ATP8A1: variants seen among roughly 807,000 people sequenced by gnomAD.
ATP8A1 encodes the protein ATPase phospholipid transporting 8A1, also known as phospholipid-transporting ATPase IA.
In ATP8A1, 90 loss-of-function variants were observed where a neutral mutation model predicts 177.7. That is an observed-to-expected ratio of 0.51 (90% CI 0.43 to 0.60). ATP8A1 has a LOEUF of 0.60. Ranked by LOEUF, ATP8A1 falls within the 20% of genes least tolerant of loss-of-function variation. ATP8A1 has a pLI of 0.00. For missense variants in ATP8A1, 1,072 were observed against 1,392.8 expected, an observed-to-expected ratio of 0.77 and a Z score of 3.67; for synonymous variants, 493 against 485.9, an observed-to-expected ratio of 1.01 and a Z score of -0.19.
chr4:42,438,483 A>AGAAGAG (rs1487935151), intron 33 of ATP8A1, among the ~76,000 whole-genome samples: 1 of 152,152 alleles, frequency 6.6e-6, no homozygotes, highest in Non-Finnish European at 1.5e-5. Context: ...ATTGCTGTTA[A>AGAAGAG]GAAGAGGCAA....
chr4:42,507,449 T>C (rs1436295220), intron 22 of ATP8A1, among the ~76,000 whole-genome samples: 1 of 152,022 alleles, frequency 6.6e-6, no homozygotes, highest in Non-Finnish European at 1.5e-5. Flanking sequence ...AAAAACAGCC[T>C]GGGCACGGTG....
intron 20 of ATP8A1, among the ~76,000 whole-genome samples, chr4:42,530,330 T>A (rs1020013908): frequency 3.3e-5 from 5 of 152,132 alleles, no homozygotes; most frequent in African/African-American, 1.2e-4. Context: ...GCCAGCCACC[T>A]GGTGGCAGAT....
At chr4:42,414,926 G>A (rs1450627617) in intron 35 of ATP8A1, 3 of 536,966 alleles carry the variant, frequency 5.6e-6, no homozygotes, top group South Asian at 4.5e-5. Context: ...TCCCTAAGGA[G>A]TTTGGTCCCC....
intron 20 of ATP8A1, among the ~76,000 whole-genome samples, chr4:42,526,788 G>T (rs1726715869): frequency 6.6e-6 from 1 of 152,102 alleles, no homozygotes; most frequent in Admixed American, 6.5e-5. Flanking sequence ...ACCAAGAGTG[G>T]CTCTAGAGGA....
chr4:42,422,662 T>A lies in ATP8A1; in HGVS notation c.3305+145A>T. 7 of 635,566 alleles carry A rather than the reference T, an allele frequency of 1.1e-5. No individual in the cohort carries two copies. The South Asian group carries it at 1.6e-4, about 14-fold the overall frequency. 39.4% of individuals were successfully genotyped at this position (635,566 alleles called of 1,614,324 possible). ...CAGTTTAGAAAGCGACAGATTTAAA[T>A]CCACATGTCTCTGACTCCCAAACCT... On this transcript the variant is annotated intron_variant, in intron 35 of 36. Transcript: ENST00000381668.
intron 33 of ATP8A1, among the ~76,000 whole-genome samples, chr4:42,433,026 T>C (rs1261091380): frequency 2.0e-5 from 3 of 152,202 alleles, no homozygotes; most frequent in Non-Finnish European, 4.4e-5. Flanking sequence ...ATACTGTATA[T>C]TCTGTAATGA....
rs1243096132 is a variant in ATP8A1, at chr4:42,410,706, G to GT, written c.*2209dup. On this transcript the variant is annotated 3_prime_UTR_variant, in exon 37 of 37. Transcript: ENST00000381668. ...CAGATCATGTTACACATTATCAACC[G>GT]TAAGTATTCTTCTCATGTTTAAGAG... The GT allele has an allele frequency of 5.9e-5, 9 of 152,114 alleles. No homozygotes were observed. Among genetic ancestry groups the GT allele is most frequent in the African/African-American group, 1.9e-4 (8 of 41,416 alleles). The allele number at this position is 152,114 out of a possible 1,614,324, so 9.4% of individuals were successfully genotyped here. A position where few individuals can be genotyped will look rare whatever the true frequency, so the allele number is the denominator to read the frequency against.
chr4:42,506,884 GA>G, intron 23 of ATP8A1, 131 bp downstream of exon 23: 1 of 1,113,912 alleles, frequency 9.0e-7, no homozygotes, highest in South Asian at 1.6e-5. Context: ...ATGCAATGGT[GA>G]AAAAAGATTG....
rs560235552 is a variant in ATP8A1, at chr4:42,462,844, C to G, written c.2619+1846G>C. On this transcript the variant is annotated intron_variant, in intron 27 of 36. Coordinates refer to ENST00000381668, the MANE Select transcript of ATP8A1 (RefSeq NM_006095.2). ...GCGGCCCAAGACCATGGGACCCTACCTCTTGCATGCTTGACCTGGATGTGA... is the reference window on the plus strand; with the variant it reads ...GCGGCCCAAGACCATGGGACCCTACGTCTTGCATGCTTGACCTGGATGTGA... Among the ~76,000 whole-genome samples, 723 of 152,304 alleles carry G rather than the reference C, an allele frequency of 4.7e-3. 4 individuals carry two copies. Among genetic ancestry groups the G allele is most frequent in the Middle Eastern group, 0.017 (5 of 294 alleles).
chr4:42,506,896 G>T, intron 23 of ATP8A1, 120 bp downstream of exon 23: 2 of 1,215,114 alleles, frequency 1.6e-6, no homozygotes, highest in Admixed American at 2.3e-5. Flanking sequence ...AAAAAGATTG[G>T]AATATTCCAA....
rs1450331077 is a variant in ATP8A1, at chr4:42,412,844, T to C, written c.*72A>G. 1 of 1,314,652 alleles carries C rather than the reference T, an allele frequency of 7.6e-7. No homozygotes were observed. The highest frequency in any genetic ancestry group is 1.1e-6 in the Non-Finnish European group (1 of 917,610). 81.4% of individuals were successfully genotyped at this position (1,314,652 alleles called of 1,614,324 possible). A position where few individuals can be genotyped will look rare whatever the true frequency, so the allele number is the denominator to read the frequency against. On this transcript the variant is annotated 3_prime_UTR_variant, in exon 37 of 37. Transcript: ENST00000381668. ...CTTCATGGACCAGACTGGAATTGGT[T>C]AGCAGACTGCGGTGACAACCTGGTA...
chr4:42,602,586 A>G (rs1735398250), intron 5 of ATP8A1, among the ~76,000 whole-genome samples: 1 of 152,108 alleles, frequency 6.6e-6, no homozygotes, highest in African/African-American at 2.4e-5. Context: ...CAACATGGTG[A>G]AACCCTGTCT....
At chr4:42,444,781 G>T in intron 31 of ATP8A1, 147 bp from the exon 32 acceptor site, 1 of 824,164 alleles carries the variant, frequency 1.2e-6, no homozygotes, top group Non-Finnish European at 1.9e-6. Context: ...CCAGCAAAGA[G>T]ACAGGTAAAT....
chr4:42,575,991 C>T (rs1410432893), intron 12 of ATP8A1, among the ~76,000 whole-genome samples: 1 of 151,994 alleles, frequency 6.6e-6, no homozygotes, highest in African/African-American at 2.4e-5. Flanking sequence ...TATAAATGAC[C>T]TATTATAAGG....
intron 25 of ATP8A1, 112 bp downstream of exon 25, chr4:42,485,384 G>C: frequency 2.0e-6 from 2 of 992,716 alleles, no homozygotes; most frequent in Non-Finnish European, 2.9e-6. Flanking sequence ...GAACACATTA[G>C]TAAGTAACCT....
intron 4 of ATP8A1, among the ~76,000 whole-genome samples, chr4:42,622,583 A>G (rs1396400905): frequency 1.3e-5 from 2 of 151,332 alleles, no homozygotes. Context: ...GCAAAAAAGA[A>G]AAAAAAACAA....
At chr4:42,448,112 A>G (rs1157250709) in intron 30 of ATP8A1, among the ~76,000 whole-genome samples, 1 of 152,200 alleles carries the variant, frequency 6.6e-6, no homozygotes. Flanking sequence ...AACCTAACAC[A>G]TGGTAATATA....
intron 20 of ATP8A1, among the ~76,000 whole-genome samples, chr4:42,540,487 T>C (rs953097065): frequency 3.9e-5 from 6 of 152,172 alleles, no homozygotes; most frequent in South Asian, 2.1e-4. Context: ...CACATGTTTA[T>C]TGCAGCACTA....
At chr4:42,609,183 C>T (rs368522924) in intron 5 of ATP8A1, among the ~76,000 whole-genome samples, 21 of 152,114 alleles carry the variant, frequency 1.4e-4, no homozygotes, top group Admixed American at 6.5e-5. Flanking sequence ...CCTAAAAGCA[C>T]GACCCCCTCA....
Sources: gnomAD v4.1 joint callset for allele counts (sites outside exome capture counted in the v4.1 genomes callset) on GRCh38, gnomAD v4.1.1 for gene constraint, MANE v1.5 for transcripts, NCBI Gene and HGNC (gene_info 2026-07-23, HGNC 2026-07-21) for gene names.